RAB27B: variants seen among roughly 807,000 people sequenced by gnomAD.
The protein encoded by RAB27B is ras-related protein Rab-27B.
In RAB27B, 15 loss-of-function variants were observed where a neutral mutation model predicts 24.6. The ratio of observed to expected loss-of-function variants is 0.61; its 90% CI spans 0.41 to 0.94. The LOEUF (loss-of-function observed/expected upper bound fraction) is 0.94, where lower values mean the gene tolerates loss of function less well. Among genes scored for constraint, RAB27B ranks in the 40% least tolerant of loss-of-function variants. The probability of loss-of-function intolerance (pLI) is 0.00; values close to 1 mark genes in which losing one functional copy is unlikely to be tolerated. For missense variants in RAB27B, 261 were observed against 266.8 expected, an observed-to-expected ratio of 0.98 and a Z score of 0.15; for synonymous variants, 105 against 92.5, an observed-to-expected ratio of 1.14 and a Z score of -0.78.
intron 2 of RAB27B, among the ~76,000 whole-genome samples, chr18:54,747,703 CA>C (rs1383255181): frequency 1.3e-5 from 2 of 152,100 alleles, no homozygotes; most frequent in Non-Finnish European, 2.9e-5. Flanking sequence ...TATGATTTTC[CA>C]AAATATGCGT....
intron 2 of RAB27B, among the ~76,000 whole-genome samples, chr18:54,737,630 A>C (rs867887993): frequency 6.6e-6 from 1 of 152,190 alleles, no homozygotes; most frequent in Non-Finnish European, 1.5e-5. Context: ...CACTTACTGC[A>C]GTGCCTGGCA....
At chr18:54,855,828 G>T (rs1023660809) in intron 1 of RAB27B, among the ~76,000 whole-genome samples, 2 of 152,192 alleles carry the variant, frequency 1.3e-5, no homozygotes, top group Non-Finnish European at 2.9e-5. Flanking sequence ...TTTGAGTAAA[G>T]ATGCTTTTTC....
chr18:54,799,614 ATTTTTTTTTTTTTTTTTTTTT>A (rs869256244), intron 2 of RAB27B, among the ~76,000 whole-genome samples: 1 of 67,526 alleles, frequency 1.5e-5, no homozygotes, highest in Non-Finnish European at 2.6e-5. Context: ...TAATAAAATG[ATTTTTTTTTTTTTTTTTTTTT>A]TTTTTTTTTT....
chr18:54,764,549 G>C (rs1228942098), intron 2 of RAB27B, among the ~76,000 whole-genome samples: 1 of 152,142 alleles, frequency 6.6e-6, no homozygotes, highest in Non-Finnish European at 1.5e-5. Flanking sequence ...AGCTCTTTGA[G>C]TAGTTGTCCC....
chr18:54,749,734 A>G (rs1907773260), intron 2 of RAB27B, among the ~76,000 whole-genome samples: 1 of 152,228 alleles, frequency 6.6e-6, no homozygotes, highest in Admixed American at 6.5e-5. Flanking sequence ...TTATCTTGAG[A>G]TAAGGAGAGC....
chr18:54,775,710 TG>T (rs1310237526), intron 2 of RAB27B, among the ~76,000 whole-genome samples: 9 of 152,248 alleles, frequency 5.9e-5, no homozygotes, highest in African/African-American at 1.7e-4. Context: ...ACATCTATGC[TG>T]CCTCAACTCA....
intron 1 of RAB27B, among the ~76,000 whole-genome samples, chr18:54,842,031 G>A (rs1002043156): frequency 1.3e-5 from 2 of 152,224 alleles, no homozygotes; most frequent in African/African-American, 4.8e-5. Context: ...GAACATGTGT[G>A]TGTGACTGTG....
upstream of RAB27B, among the ~76,000 whole-genome samples, chr18:54,827,579 G>A (rs186530679): frequency 5.3e-5 from 8 of 152,272 alleles, no homozygotes; most frequent in African/African-American, 1.4e-4. Flanking sequence ...GATAACAGCA[G>A]TGCCTCCCAG....
chr18:54,775,345 G>A (rs1458909635), intron 2 of RAB27B, among the ~76,000 whole-genome samples: 2 of 152,156 alleles, frequency 1.3e-5, no homozygotes, highest in African/African-American at 4.8e-5. Flanking sequence ...CAATATTCCA[G>A]CCATTACTCT....
chr18:54,764,188 G>A (rs1908287300), intron 2 of RAB27B, among the ~76,000 whole-genome samples: 1 of 151,896 alleles, frequency 6.6e-6, no homozygotes. Flanking sequence ...TCTTTGCATT[G>A]CCTCATTGTG....
At chr18:54,815,308 C>T (rs374013113) in intron 2 of RAB27B, among the ~76,000 whole-genome samples, 2 of 152,102 alleles carry the variant, frequency 1.3e-5, no homozygotes, top group African/African-American at 4.8e-5. Context: ...GAGGATCCTC[C>T]CCTGTTTTAA....
chr18:54,737,121 G>A (rs1326238489), intron 2 of RAB27B, among the ~76,000 whole-genome samples: 1 of 150,518 alleles, frequency 6.6e-6, no homozygotes, highest in Non-Finnish European at 1.5e-5. Context: ...TCTCTCTGTG[G>A]AAAAAAAAAC....
At chr18:54,746,003 A>G (rs1362909756) in intron 2 of RAB27B, among the ~76,000 whole-genome samples, 1 of 152,056 alleles carries the variant, frequency 6.6e-6, no homozygotes, top group Non-Finnish European at 1.5e-5. Context: ...ACAGATATGC[A>G]GGATGCTATG....
chr18:54,767,015 G>A (rs771987157), intron 2 of RAB27B, among the ~76,000 whole-genome samples: 29 of 152,090 alleles, frequency 1.9e-4, no homozygotes, highest in Non-Finnish European at 2.9e-4. Context: ...GAACTTTTGA[G>A]GACCATCCAA....
At chr18:54,836,624 G>C (rs1386996467) in intron 1 of RAB27B, among the ~76,000 whole-genome samples, 2 of 151,880 alleles carry the variant, frequency 1.3e-5, no homozygotes, top group African/African-American at 2.4e-5. Context: ...AAAGAAAGAT[G>C]TTCTGTTTGC....
intron 2 of RAB27B, among the ~76,000 whole-genome samples, chr18:54,788,401 C>T (rs1909154444): frequency 6.6e-6 from 1 of 152,140 alleles, no homozygotes; most frequent in South Asian, 2.1e-4. Context: ...CTCCTGGGTT[C>T]AAGTGATTCC....
At chr18:54,831,974 C>T (rs925838765) in intron 1 of RAB27B, among the ~76,000 whole-genome samples, 3 of 152,150 alleles carry the variant, frequency 2.0e-5, no homozygotes, top group African/African-American at 7.2e-5. Context: ...CGGGGTTTCA[C>T]CATGTTGGTC....
chr18:54,804,707 G>C (rs1259810516), intron 2 of RAB27B, among the ~76,000 whole-genome samples: 1 of 152,152 alleles, frequency 6.6e-6, no homozygotes, highest in Non-Finnish European at 1.5e-5. Context: ...AACTGGAGTT[G>C]AATCCTTTTG....
At chr18:54,746,688 C>G (rs1910259843) in intron 2 of RAB27B, among the ~76,000 whole-genome samples, 1 of 152,070 alleles carries the variant, frequency 6.6e-6, no homozygotes, top group African/African-American at 2.4e-5. Flanking sequence ...CTTTAATTAG[C>G]CTTTGTTTTG....
Sources: allele counts gnomAD v4.1 joint callset (sites outside exome capture counted in the v4.1 genomes callset), GRCh38; gene constraint gnomAD v4.1.1; transcripts MANE v1.5; gene names NCBI Gene and HGNC (gene_info 2026-07-23, HGNC 2026-07-21).